ATP8B4: variants seen among roughly 807,000 people sequenced by gnomAD.
ATP8B4 encodes probable phospholipid-transporting ATPase IM.
ATP8B4 carries 133 observed loss-of-function variants against 145.6 expected under a neutral mutation model. The ratio of observed to expected loss-of-function variants is 0.91; its 90% CI spans 0.79 to 1.05. The LOEUF (loss-of-function observed/expected upper bound fraction) is 1.05, where lower values mean the gene tolerates loss of function less well. Ranked by LOEUF, ATP8B4 falls within the 50% of genes least tolerant of loss-of-function variation. The probability of loss-of-function intolerance (pLI) is 0.00; values close to 1 mark genes in which losing one functional copy is unlikely to be tolerated. For missense variants in ATP8B4, 1,458 were observed against 1,425.2 expected, an observed-to-expected ratio of 1.02 and a Z score of -0.37; for synonymous variants, 507 against 492.9, an observed-to-expected ratio of 1.03 and a Z score of -0.38.
At chr15:50,055,422 A>C (rs1600106685) in intron 3 of ATP8B4, among the ~76,000 whole-genome samples, 1 of 152,316 alleles carries the variant, frequency 6.6e-6, no homozygotes, top group East Asian at 1.9e-4. Flanking sequence ...GTTTGTCTTA[A>C]AGAATGCATC....
chr15:49,907,156 G>A (rs1323100129), intron 20 of ATP8B4, among the ~76,000 whole-genome samples: 1 of 152,170 alleles, frequency 6.6e-6, no homozygotes, highest in Non-Finnish European at 1.5e-5. Context: ...CTGGATGCCA[G>A]CAGGGTAGAC....
At chr15:49,897,005 T>A (rs750152277) in intron 23 of ATP8B4, 4 of 325,934 alleles carry the variant, frequency 1.2e-5, no homozygotes, top group Non-Finnish European at 2.3e-5. Context: ...TTACCTGTCA[T>A]CATACCAAAA....
chr15:49,882,241 C>T (rs1033820638), intron 23 of ATP8B4, among the ~76,000 whole-genome samples: 46 of 151,980 alleles, frequency 3.0e-4, no homozygotes, highest in African/African-American at 9.9e-4. Flanking sequence ...CAGAGCAGTG[C>T]GACCCCACAG....
chr15:49,994,520 G>C (rs2047272160), intron 9 of ATP8B4, among the ~76,000 whole-genome samples: 1 of 152,084 alleles, frequency 6.6e-6, no homozygotes, highest in Admixed American at 6.6e-5. Context: ...ATAAAACAAA[G>C]ATCCCTGTGT....
chr15:49,904,078 C>T (rs572734348), intron 20 of ATP8B4, among the ~76,000 whole-genome samples: 14 of 152,268 alleles, frequency 9.2e-5, no homozygotes, highest in African/African-American at 3.4e-4. Context: ...CCTCTAGCCA[C>T]TTGATTAGCC....
In ATP8B4 at chr15:49,901,075, A is replaced by C; in HGVS notation, c.2289+17T>G. 1 of 1,608,782 alleles carries C rather than the reference A, an allele frequency of 6.2e-7. No homozygotes were observed. Among genetic ancestry groups the C allele is most frequent in the Non-Finnish European group, 8.5e-7 (1 of 1,177,030 alleles). The stretch of plus-strand genomic sequence containing the variant: ...CAGTGAAGAAAAAGAAAGGACAAAA[A>C]CCTTAGGCAAACTCACCAAACTGTG... On this transcript the variant is annotated intron_variant, in intron 21 of 27. Coordinates refer to ENST00000284509, the MANE Select transcript of ATP8B4 (RefSeq NM_024837.4).
chr15:49,984,599 C>T (rs1367494620), intron 10 of ATP8B4, among the ~76,000 whole-genome samples: 1 of 152,110 alleles, frequency 6.6e-6, no homozygotes, highest in Non-Finnish European at 1.5e-5. Flanking sequence ...TCTGGCCAGC[C>T]TGAAGTTAGC....
chr15:49,969,333 G>A (rs1030168503), intron 13 of ATP8B4, among the ~76,000 whole-genome samples: 1 of 152,092 alleles, frequency 6.6e-6, no homozygotes, highest in African/African-American at 2.4e-5. Context: ...AATGAGTCCA[G>A]GAGCTGGTTT....
At chr15:49,991,391 A>G (rs2047035283) in intron 9 of ATP8B4, among the ~76,000 whole-genome samples, 2 of 152,198 alleles carry the variant, frequency 1.3e-5, no homozygotes, top group African/African-American at 4.8e-5. Flanking sequence ...GTCAGTAACA[A>G]TATGCAAAAG....
intron 25 of ATP8B4, among the ~76,000 whole-genome samples, chr15:49,867,454 C>G (rs915123126): frequency 1.3e-5 from 2 of 152,280 alleles, no homozygotes; most frequent in East Asian, 3.9e-4. Flanking sequence ...TATAAAAGTA[C>G]AGCCTTTTCT....
intron 14 of ATP8B4, among the ~76,000 whole-genome samples, chr15:49,957,729 TA>T (rs2043702119): frequency 6.6e-6 from 1 of 152,020 alleles, no homozygotes; most frequent in African/African-American, 2.4e-5. Context: ...TAATAAAAGT[TA>T]AACCATTATG....
At chr15:50,136,774 C>T (rs1178480801) in intron 1 of ATP8B4, among the ~76,000 whole-genome samples, 4 of 152,118 alleles carry the variant, frequency 2.6e-5, no homozygotes, top group South Asian at 2.1e-4. Context: ...AGCTCTGCCA[C>T]GCAGCAGCTG....
chr15:50,098,733 C>T (rs2056155058), intron 2 of ATP8B4, among the ~76,000 whole-genome samples: 1 of 152,092 alleles, frequency 6.6e-6, no homozygotes, highest in South Asian at 2.1e-4. Context: ...TACAGAGTTG[C>T]TCTCTGGAAG....
chr15:50,147,485 T>G (rs11634271), intron 1 of ATP8B4, among the ~76,000 whole-genome samples: 34,593 of 145,342 alleles, frequency 0.24, 4,568 homozygotes, highest in East Asian at 0.42. Context: ...CTAGAAGCAA[T>G]AACCCTCCTG....
At chr15:50,142,664 A>G (rs982064296) in intron 1 of ATP8B4, among the ~76,000 whole-genome samples, 6 of 152,224 alleles carry the variant, frequency 3.9e-5, no homozygotes, top group African/African-American at 1.4e-4. Flanking sequence ...AGTTTAAGGT[A>G]GTAATGAAAA....
At chr15:49,869,099 CAG>C (rs1488388396) in intron 25 of ATP8B4, among the ~76,000 whole-genome samples, 2 of 152,000 alleles carry the variant, frequency 1.3e-5, no homozygotes, top group African/African-American at 4.8e-5. Context: ...TTAGTAGAGA[CAG>C]GGTTTCGCCA....
At chr15:50,167,085 T>C (rs1174693471) in intron 1 of ATP8B4, among the ~76,000 whole-genome samples, 1 of 152,236 alleles carries the variant, frequency 6.6e-6, no homozygotes, top group African/African-American at 2.4e-5. Flanking sequence ...AGTTACAGCC[T>C]ACTTTAGGTC....
intron 3 of ATP8B4, among the ~76,000 whole-genome samples, chr15:50,065,489 C>T (rs563935451): frequency 2.6e-5 from 4 of 152,022 alleles, no homozygotes; most frequent in Non-Finnish European, 5.9e-5. Flanking sequence ...GGTTTTTTTC[C>T]GTTAACCTCT....
Position 49,923,370 on chromosome 15 carries a change from G to A in ATP8B4, c.1758+9C>T, listed in dbSNP as rs191769481. 111 of 1,582,172 alleles carry A rather than the reference G, an allele frequency of 7.0e-5. 1 individual carries two copies. In the East Asian group the frequency reaches 1.8e-3, roughly 26 times the overall value. On this transcript the variant is annotated intron_variant, in intron 17 of 27. Coordinates refer to ENST00000284509, the MANE Select transcript of ATP8B4 (RefSeq NM_024837.4). ...GCCATTGTGCTAACCTTAAGACGGA[G>A]GCACTTACACTGAGGTGGTCTGACG...
Sources: gnomAD v4.1 joint callset for allele counts (sites outside exome capture counted in the v4.1 genomes callset) on GRCh38, gnomAD v4.1.1 for gene constraint, MANE v1.5 for transcripts, NCBI Gene and HGNC (gene_info 2026-07-23, HGNC 2026-07-21) for gene names.